The following SORBS2 variants were observed in gnomAD, a reference collection of about 807,000 sequenced individuals.
SORBS2 encodes the protein sorbin and SH3 domain-containing protein 2.
Under a neutral mutation model 97.7 loss-of-function variants are expected in SORBS2, and 46 were observed. The ratio of observed to expected loss-of-function variants is 0.47; its 90% CI spans 0.37 to 0.60. The LOEUF (loss-of-function observed/expected upper bound fraction) is 0.60, where lower values mean the gene tolerates loss of function less well. Ranked by LOEUF, SORBS2 falls within the 20% of genes least tolerant of loss-of-function variation. SORBS2 has a pLI of 0.00. For missense variants in SORBS2, 1,316 were observed against 1,282.3 expected (o/e 1.03, Z -0.40); for synonymous variants, 476 against 473.4 (o/e 1.01, Z -0.07).
intron 1 of SORBS2, among the ~76,000 whole-genome samples, chr4:185,792,491 CGAAAAGAAAA>C (rs748326718): frequency 2.1e-4 from 30 of 140,774 alleles, no homozygotes; most frequent in Non-Finnish European, 3.0e-4. Flanking sequence ...GCGACTCCAT[CGAAAAGAAAA>C]GAAAAGAAAA....
At chr4:185,868,259 C>A (rs959394298) in intron 1 of SORBS2, among the ~76,000 whole-genome samples, 9 of 149,122 alleles carry the variant, frequency 6.0e-5, no homozygotes, top group African/African-American at 1.7e-4. Context: ...CGGGTTCAAG[C>A]GATTCTCCTG....
At chr4:185,776,849 G>A (rs886841123) in intron 1 of SORBS2, among the ~76,000 whole-genome samples, 3 of 147,148 alleles carry the variant, frequency 2.0e-5, no homozygotes, top group African/African-American at 5.0e-5. Flanking sequence ...GCGGTGAGCT[G>A]AGATCGCACC....
chr4:185,617,303 T>C lies in SORBS2; in HGVS notation c.2351+1282A>G, dbSNP rs146537519. Among the ~76,000 whole-genome samples, 45 of 152,282 alleles carry C rather than the reference T, an allele frequency of 3.0e-4. 1 individual carries two copies. The East Asian group carries it at 7.5e-3, about 25-fold the overall frequency. ...CAGTAGAAACAAAGCATCTTATTTC[T>C]CTAATTTGAAAAAAAAAGATGTAAG... On this transcript the variant is annotated intron_variant, in intron 9 of 14. Coordinates refer to ENST00000418609, the Ensembl canonical transcript of SORBS2.
Position 185,589,945 on chromosome 4 carries a change from G to A in SORBS2, c.2847-160C>T, listed in dbSNP as rs899363041. On this transcript the variant is annotated intron_variant, in intron 13 of 14. Coordinates refer to ENST00000418609, the Ensembl canonical transcript of SORBS2. ...GCATGTAAATAGCATTCTATTGGAT[G>A]GTACAAGCCTGGTAAGCAGGTACAT... is the stretch of plus-strand genomic sequence containing the variant. 4 of 540,282 alleles carry A rather than the reference G, an allele frequency of 7.4e-6. No homozygotes were observed. The Admixed American group carries it at 9.5e-5, about 13-fold the overall frequency. The allele number at this position is 540,282 out of a possible 1,614,324, so 33.5% of individuals were successfully genotyped here.
chr4:185,630,495 G>T, intron 5 of SORBS2, 54 bp downstream of exon 17: 4 of 1,158,478 alleles, frequency 3.5e-6, no homozygotes, highest in South Asian at 3.0e-5. Context: ...TTTTATTGTT[G>T]AAAAAGAAAC....
At chr4:185,662,052 G>C in intron 5 of SORBS2, 52 bp downstream of exon 8, 1 of 1,600,808 alleles carries the variant, frequency 6.2e-7, no homozygotes, top group South Asian at 1.1e-5. Context: ...TCCTGTGGTT[G>C]TACTTGCCGC....
At chr4:185,717,524 C>A (rs1200193099) in intron 2 of SORBS2, among the ~76,000 whole-genome samples, 1 of 152,152 alleles carries the variant, frequency 6.6e-6, no homozygotes, top group Non-Finnish European at 1.5e-5. Context: ...AGACGCTAGA[C>A]GGTATTACAC....
chr4:185,629,518 A>G (rs1340753917), intron 5 of SORBS2, among the ~76,000 whole-genome samples: 1 of 150,950 alleles, frequency 6.6e-6, no homozygotes, highest in African/African-American at 2.4e-5. Flanking sequence ...GTATTATTCA[A>G]TATTACTATT....
chr4:185,657,296 G>A (rs2097422857), upstream of SORBS2: 1 of 761,140 alleles, frequency 1.3e-6, no homozygotes, highest in South Asian at 3.0e-5. Context: ...ACATTCATGA[G>A]AAGTCGGATG....
chr4:185,815,328 G>T (rs1030862024), intron 1 of SORBS2, among the ~76,000 whole-genome samples: 1 of 151,932 alleles, frequency 6.6e-6, no homozygotes, highest in Non-Finnish European at 1.5e-5. Flanking sequence ...AAACAACGTG[G>T]TCATAAAGGT....
At chr4:185,950,594 T>C (rs528802380) in intron 1 of SORBS2, among the ~76,000 whole-genome samples, 66 of 152,138 alleles carry the variant, frequency 4.3e-4, no homozygotes, top group Non-Finnish European at 3.4e-4. Flanking sequence ...GGCTCAGGAG[T>C]GATGAATGCC....
intron 1 of SORBS2, among the ~76,000 whole-genome samples, chr4:185,935,773 G>T (rs185412161): frequency 6.6e-6 from 1 of 152,256 alleles, no homozygotes; most frequent in East Asian, 1.9e-4. Context: ...AGCCGTAGTT[G>T]GTAACACAGA....
At position 185,709,310 on chromosome 4, in the gene SORBS2, T is replaced by TTTTTTTTTTTTTTTTTTTC; in HGVS notation, c.-197-30489_-197-30488insGAAAAAAAAAAAAAAAAAA. On this transcript the variant is annotated intron_variant, in intron 2 of 20. Transcript: ENST00000284776. ...GCCGCTGTGCTGGCCAAATCTTTTT[T>TTTTTTTTTTTTTTTTTTTC]TTTTTTTTTTTTTTAGTAAAAGGAA... Among the ~76,000 whole-genome samples the TTTTTTTTTTTTTTTTTTTC allele has an allele frequency of 2.7e-5, 4 of 145,498 alleles. 1 individual carries two copies. Among genetic ancestry groups the TTTTTTTTTTTTTTTTTTTC allele is most frequent in the African/African-American group, 5.1e-5 (2 of 39,118 alleles).
At chr4:185,618,692 G>A in intron 8 of SORBS2, 61 bp from the exon 21 acceptor site, 1 of 1,103,084 alleles carries the variant, frequency 9.1e-7, no homozygotes, top group Non-Finnish European at 1.3e-6. Flanking sequence ...CAAGAAAGTA[G>A]TTTAATGTGC....
intron 4 of SORBS2, among the ~76,000 whole-genome samples, chr4:185,664,754 T>C (rs976688966): frequency 2.0e-5 from 3 of 152,248 alleles, no homozygotes; most frequent in African/African-American, 7.2e-5. Context: ...TATTATAACA[T>C]TTCTCTGCGC....
At chr4:185,662,184 T>C (rs1252723377) in exon 5 of SORBS2, 1 of 1,613,984 alleles carries the variant, frequency 6.2e-7, no homozygotes, top group East Asian at 2.2e-5. Context: ...AAACGGCCTC[T>C]GATAGTAACT....
At chr4:185,612,241 C>A (rs1409871607) in intron 11 of SORBS2, among the ~76,000 whole-genome samples, 1 of 152,128 alleles carries the variant, frequency 6.6e-6, no homozygotes, top group Non-Finnish European at 1.5e-5. Flanking sequence ...CGGGTTTATA[C>A]TTGTTTATGC....
chr4:185,877,883 A>AGAAAG (rs1554045185), intron 1 of SORBS2, among the ~76,000 whole-genome samples: 2 of 145,280 alleles, frequency 1.4e-5, no homozygotes, highest in African/African-American at 5.1e-5. Flanking sequence ...ACAAAAAAAA[A>AGAAAG]AAAGAAAGAA....
At chr4:185,781,917 C>A (rs914806802) in intron 1 of SORBS2, among the ~76,000 whole-genome samples, 5 of 152,254 alleles carry the variant, frequency 3.3e-5, no homozygotes, top group African/African-American at 1.2e-4. Flanking sequence ...CTTCCTCATT[C>A]CTTCTAAATT....
Sources: allele counts gnomAD v4.1 joint callset (sites outside exome capture counted in the v4.1 genomes callset), GRCh38; gene constraint gnomAD v4.1.1; transcripts MANE v1.5; gene names NCBI Gene and HGNC (gene_info 2026-07-23, HGNC 2026-07-21).